FBXL7: variants seen among roughly 807,000 people sequenced by gnomAD.
FBXL7 encodes the protein F-box and leucine rich repeat protein 7, also known as F-box/LRR-repeat protein 7.
Under a neutral mutation model 38.3 loss-of-function variants are expected in FBXL7, and 12 were observed. That is an observed-to-expected ratio of 0.31 (90% CI 0.20 to 0.51). The LOEUF (loss-of-function observed/expected upper bound fraction) is 0.51. Ranked by LOEUF, FBXL7 falls within the 20% of genes least tolerant of loss-of-function variation. The pLI, the probability that FBXL7 is intolerant of heterozygous loss-of-function variation, is 0.98. For synonymous variants in FBXL7, 297 were observed against 300.9 expected (o/e 0.99, Z 0.13); for missense variants, 567 against 676.4 (o/e 0.84, Z 1.79).
intron 1 of FBXL7, among the ~76,000 whole-genome samples, chr5:15,556,104 T>A (rs1738232809): frequency 6.6e-6 from 1 of 151,846 alleles, no homozygotes; most frequent in African/African-American, 2.4e-5. Flanking sequence ...TCTACCTATC[T>A]ATCTATCTAT....
chr5:15,788,937 G>A (rs367727697), intron 2 of FBXL7, among the ~76,000 whole-genome samples: 6 of 143,382 alleles, frequency 4.2e-5, no homozygotes, highest in East Asian at 2.1e-4. Flanking sequence ...TGCAAGCTCC[G>A]CCTCCCGGGT....
chr5:15,751,697 T>C (rs1333740006), intron 2 of FBXL7, among the ~76,000 whole-genome samples: 1 of 152,168 alleles, frequency 6.6e-6, no homozygotes, highest in Non-Finnish European at 1.5e-5. Flanking sequence ...TTTAATAATA[T>C]ATGTCAAAGG....
At chr5:15,517,089 G>T (rs959400598) in intron 1 of FBXL7, among the ~76,000 whole-genome samples, 9 of 151,514 alleles carry the variant, frequency 5.9e-5, no homozygotes, top group Non-Finnish European at 1.0e-4. Flanking sequence ...TGCAGTGGCG[G>T]GATCTCGGCT....
intron 2 of FBXL7, among the ~76,000 whole-genome samples, chr5:15,660,510 C>T (rs930609381): frequency 6.6e-6 from 1 of 152,168 alleles, no homozygotes; most frequent in African/African-American, 2.4e-5. Context: ...GCATCCACCA[C>T]CATGCCTGGC....
chr5:15,729,667 A>G (rs1006088093), intron 2 of FBXL7, among the ~76,000 whole-genome samples: 1 of 152,190 alleles, frequency 6.6e-6, no homozygotes, highest in Admixed American at 6.5e-5. Context: ...ATATATAGAC[A>G]AAAATTTTTA....
At chr5:15,658,721 T>C (rs933877356) in intron 2 of FBXL7, among the ~76,000 whole-genome samples, 2 of 152,120 alleles carry the variant, frequency 1.3e-5, no homozygotes, top group African/African-American at 4.8e-5. Context: ...GGGGGCTGCA[T>C]GCACCGGTAA....
intron 2 of FBXL7, among the ~76,000 whole-genome samples, chr5:15,806,208 C>A (rs1370523461): frequency 6.6e-6 from 1 of 152,150 alleles, no homozygotes; most frequent in Non-Finnish European, 1.5e-5. Flanking sequence ...AGAGGTTATA[C>A]AAGCCAGTTG....
chr5:15,509,770 C>T (rs538960499), intron 1 of FBXL7, among the ~76,000 whole-genome samples: 5 of 152,080 alleles, frequency 3.3e-5, no homozygotes, highest in Admixed American at 1.3e-4. Flanking sequence ...CTGTGGGTTC[C>T]GTGTAAGTGA....
At chr5:15,836,467 A>T (rs1738595448) in intron 2 of FBXL7, among the ~76,000 whole-genome samples, 2 of 152,312 alleles carry the variant, frequency 1.3e-5, no homozygotes, top group Non-Finnish European at 2.9e-5. Flanking sequence ...ACAGTTTGAA[A>T]TAAGATGCCC....
intron 2 of FBXL7, among the ~76,000 whole-genome samples, chr5:15,789,358 C>A (rs1366127014): frequency 6.6e-6 from 1 of 152,234 alleles, no homozygotes; most frequent in Non-Finnish European, 1.5e-5. Flanking sequence ...TAGGTCCTTC[C>A]GAATAACAGA....
At chr5:15,677,544 AAAGGAAGG>A (rs772189330) in intron 2 of FBXL7, among the ~76,000 whole-genome samples, 3 of 151,670 alleles carry the variant, frequency 2.0e-5, no homozygotes, top group Admixed American at 1.3e-4. Context: ...GGAGGGAAGG[AAAGGAAGG>A]AAGGAAGGAA....
intron 2 of FBXL7, among the ~76,000 whole-genome samples, chr5:15,880,671 CAG>C (rs945743116): frequency 1.1e-4 from 17 of 148,846 alleles, no homozygotes; most frequent in Non-Finnish European, 1.9e-4. Context: ...CCTTTTAATG[CAG>C]AGAGTTTGAG....
chr5:15,695,614 G>C (rs1002044256), intron 2 of FBXL7, among the ~76,000 whole-genome samples: 1 of 152,194 alleles, frequency 6.6e-6, no homozygotes, highest in Non-Finnish European at 1.5e-5. Flanking sequence ...CACAACAGCC[G>C]TGATCTATGG....
intron 2 of FBXL7, among the ~76,000 whole-genome samples, chr5:15,664,469 C>CTTTTTTTTTTTTT (rs34999340): frequency 9.5e-6 from 1 of 105,532 alleles, no homozygotes; most frequent in African/African-American, 3.7e-5. Flanking sequence ...TTTTCTTTTC[C>CTTTTTTTTTTTTT]TTTTTTTTTT....
chr5:15,808,012 C>T (rs1318275075), intron 2 of FBXL7, among the ~76,000 whole-genome samples: 1 of 152,144 alleles, frequency 6.6e-6, no homozygotes, highest in Admixed American at 6.5e-5. Context: ...CACTGTCTTC[C>T]CCCGTGACCG....
At chr5:15,884,581 A>C (rs1740600939) in intron 2 of FBXL7, among the ~76,000 whole-genome samples, 1 of 152,178 alleles carries the variant, frequency 6.6e-6, no homozygotes, top group African/African-American at 2.4e-5. Context: ...TCAACATATG[A>C]ATTTTGAAGA....
At chr5:15,652,453 A>G (rs1741743826) in intron 2 of FBXL7, among the ~76,000 whole-genome samples, 1 of 152,094 alleles carries the variant, frequency 6.6e-6, no homozygotes, top group Admixed American at 6.5e-5. Context: ...TTTTTTGTAG[A>G]GATGGGCTTT....
chr5:15,539,679 G>A (rs1199109407), intron 1 of FBXL7, among the ~76,000 whole-genome samples: 1 of 152,000 alleles, frequency 6.6e-6, no homozygotes, highest in East Asian at 1.9e-4. Flanking sequence ...CTCCTGCTGG[G>A]GGGCATTTGT....
chr5:15,696,940 T>C (rs148026202), intron 2 of FBXL7, among the ~76,000 whole-genome samples: 42 of 152,332 alleles, frequency 2.8e-4, no homozygotes, highest in African/African-American at 1.0e-3. Context: ...TGTGTCTTTA[T>C]CCTCACAAGT....
Sources: allele counts gnomAD v4.1 joint callset (sites outside exome capture counted in the v4.1 genomes callset), GRCh38; gene constraint gnomAD v4.1.1; transcripts MANE v1.5; gene names NCBI Gene and HGNC (gene_info 2026-07-23, HGNC 2026-07-21).